ADAMTSL3: variants seen among roughly 807,000 people sequenced by gnomAD.
ADAMTSL3 encodes ADAMTS-like protein 3.
In ADAMTSL3, 128 loss-of-function variants were observed where a neutral mutation model predicts 201.7. The observed-to-expected ratio is 0.63, with a 90% CI of 0.55 to 0.73. The LOEUF is 0.73. Ranked by LOEUF, ADAMTSL3 falls within the 30% of genes least tolerant of loss-of-function variation. The probability of loss-of-function intolerance (pLI) is 0.00; values close to 1 mark genes in which losing one functional copy is unlikely to be tolerated. For missense variants in ADAMTSL3, 1,990 were observed against 2,119.6 expected, an observed-to-expected ratio of 0.94 and a Z score of 1.20; for synonymous variants, 738 against 748.4, an observed-to-expected ratio of 0.99 and a Z score of 0.23.
intron 4 of ADAMTSL3, among the ~76,000 whole-genome samples, chr15:83,781,244 A>G (rs947731088): frequency 6.6e-6 from 1 of 152,218 alleles, no homozygotes; most frequent in Non-Finnish European, 1.5e-5. Flanking sequence ...AAACATCATG[A>G]TACTGGTGCA....
chr15:83,699,164 A>T (rs543949254), intron 2 of ADAMTSL3, among the ~76,000 whole-genome samples: 11 of 152,144 alleles, frequency 7.2e-5, no homozygotes, highest in African/African-American at 2.7e-4. Flanking sequence ...CCAAATCCCT[A>T]TCTCCAGCGT....
At chr15:83,745,299 C>T (rs1030705160) in intron 3 of ADAMTSL3, among the ~76,000 whole-genome samples, 11 of 152,294 alleles carry the variant, frequency 7.2e-5, no homozygotes, top group Non-Finnish European at 1.2e-4. Flanking sequence ...TTTTCCTGGA[C>T]GCTGGACAAG....
chr15:83,842,306 G>T (rs187439964), intron 7 of ADAMTSL3, among the ~76,000 whole-genome samples: 2 of 152,010 alleles, frequency 1.3e-5, no homozygotes, highest in South Asian at 4.1e-4. Context: ...AAAGGCAGAG[G>T]TTCTAACTGA....
intron 19 of ADAMTSL3, among the ~76,000 whole-genome samples, chr15:83,966,066 C>A (rs2067077410): frequency 6.6e-6 from 1 of 152,070 alleles, no homozygotes; most frequent in East Asian, 1.9e-4. Context: ...CACTAAATGG[C>A]CATAGGAGAA....
intron 3 of ADAMTSL3, among the ~76,000 whole-genome samples, chr15:83,727,149 A>ATT (rs71156094): frequency 1.1e-4 from 17 of 149,984 alleles, no homozygotes; most frequent in East Asian, 3.9e-4. Context: ...GAATTTATCC[A>ATT]TTTTTTTTTC....
chr15:83,841,941 A>G (rs536521529), intron 7 of ADAMTSL3, among the ~76,000 whole-genome samples: 100 of 151,884 alleles, frequency 6.6e-4, no homozygotes, highest in African/African-American at 2.3e-3. Flanking sequence ...GTGGAACGAC[A>G]GAGACTCAGG....
chr15:83,956,803 T>C (rs2066871543), intron 19 of ADAMTSL3, among the ~76,000 whole-genome samples: 1 of 152,194 alleles, frequency 6.6e-6, no homozygotes, highest in Admixed American at 6.5e-5. Context: ...GTAAACACTT[T>C]TTGGCTGAAG....
intron 8 of ADAMTSL3, among the ~76,000 whole-genome samples, chr15:83,868,783 T>G (rs1181450301): frequency 6.6e-6 from 1 of 152,244 alleles, no homozygotes; most frequent in Non-Finnish European, 1.5e-5. Flanking sequence ...TTGTTTTTGC[T>G]ACTTGTGTTT....
At chr15:83,976,095 A>G (rs1220003704) in intron 20 of ADAMTSL3, among the ~76,000 whole-genome samples, 1 of 152,212 alleles carries the variant, frequency 6.6e-6, no homozygotes, top group Non-Finnish European at 1.5e-5. Context: ...GTTGGGAGCT[A>G]TAGGACAGAG....
chr15:83,949,414 C>T (rs896999779), intron 19 of ADAMTSL3, among the ~76,000 whole-genome samples: 36 of 152,032 alleles, frequency 2.4e-4, no homozygotes, highest in African/African-American at 7.0e-4. Context: ...AGTCTGCTGA[C>T]GGACACTTAG....
At chr15:83,915,249 C>T (rs2066013795) in intron 16 of ADAMTSL3, among the ~76,000 whole-genome samples, 1 of 152,166 alleles carries the variant, frequency 6.6e-6, no homozygotes, top group East Asian at 1.9e-4. Flanking sequence ...TCTTCTTCTC[C>T]TGACTGGCAA....
Position 84,036,800 on chromosome 15 carries a change from AG to A in ADAMTSL3, c.4786del (p.Ala1596ProfsTer74), listed in dbSNP as rs1248858633. On this transcript the variant is annotated frameshift_variant, in exon 29 of 30. Coordinates refer to ENST00000286744, the MANE Select transcript of ADAMTSL3 (RefSeq NM_207517.3). LOFTEE classifies it high-confidence loss of function. ...RPTLRRNCTS[G>X]ACDVCWHTGP... ...CCACCTTAAGAAGGAACTGCACATC[AG>A]GGGCCTGTGATGTGTGTTGGCACAC... is the stretch of plus-strand genomic sequence containing the variant. 6.2e-7 allele frequency: 1 copy of A among 1,613,560 alleles called. No homozygotes were observed. Among genetic ancestry groups the A allele is most frequent in the Non-Finnish European group, 8.5e-7 (1 of 1,179,858 alleles).
intron 3 of ADAMTSL3, among the ~76,000 whole-genome samples, chr15:83,711,386 G>GT (rs765177322): frequency 6.6e-6 from 1 of 152,174 alleles, no homozygotes; most frequent in Non-Finnish European, 1.5e-5. Context: ...GGTCTACTGG[G>GT]TATTTTCATC....
chr15:83,918,559 T>C (rs2066078955), intron 16 of ADAMTSL3, among the ~76,000 whole-genome samples: 1 of 152,038 alleles, frequency 6.6e-6, no homozygotes, highest in African/African-American at 2.4e-5. Flanking sequence ...AGAAAGAGCA[T>C]ATGCAAAGGC....
chr15:84,032,669 T>C (rs2068430659), intron 28 of ADAMTSL3, among the ~76,000 whole-genome samples: 1 of 152,236 alleles, frequency 6.6e-6, no homozygotes, highest in South Asian at 2.1e-4. Context: ...AGATTAACTT[T>C]ATTCTTTTTA....
At chr15:83,716,564 A>G (rs549508863) in intron 3 of ADAMTSL3, among the ~76,000 whole-genome samples, 1 of 151,934 alleles carries the variant, frequency 6.6e-6, no homozygotes, top group Admixed American at 6.6e-5. Flanking sequence ...TTCTTAAAAA[A>G]GTTAATTATT....
At chr15:83,661,098 G>C (rs1436840136) in intron 2 of ADAMTSL3, among the ~76,000 whole-genome samples, 1 of 147,806 alleles carries the variant, frequency 6.8e-6, no homozygotes, top group Non-Finnish European at 1.5e-5. Context: ...TTGTAGATAT[G>C]TGGCGTTATT....
intron 3 of ADAMTSL3, among the ~76,000 whole-genome samples, chr15:83,769,785 T>C (rs2062949495): frequency 6.6e-6 from 1 of 151,496 alleles, no homozygotes; most frequent in Non-Finnish European, 1.5e-5. Context: ...ATTTAATTTT[T>C]CTTTTTTTTT....
At chr15:83,944,819 GC>G (rs2066625300) in intron 19 of ADAMTSL3, among the ~76,000 whole-genome samples, 1 of 152,094 alleles carries the variant, frequency 6.6e-6, no homozygotes, top group African/African-American at 2.4e-5. Context: ...GTTTACTTTC[GC>G]TAAATGCAAT....
Sources: allele counts gnomAD v4.1 joint callset (sites outside exome capture counted in the v4.1 genomes callset), GRCh38; gene constraint gnomAD v4.1.1; transcripts MANE v1.5; gene names NCBI Gene and HGNC (gene_info 2026-07-23, HGNC 2026-07-21).